Variants in EPN1 observed in about 807,000 individuals in gnomAD.
EPN1 encodes epsin-1.
Under a neutral mutation model 56.9 loss-of-function variants are expected in EPN1, and 25 were observed. The ratio of observed to expected loss-of-function variants is 0.44; its 90% CI spans 0.32 to 0.61. The LOEUF is 0.61. Among genes scored for constraint, EPN1 ranks in the 20% least tolerant of loss-of-function variants. EPN1 has a pLI of 0.05. For synonymous variants in EPN1, 411 were observed against 361.8 expected (o/e 1.14, Z -1.54); for missense variants, 785 against 823.7 (o/e 0.95, Z 0.58).
At chr19:55,677,240 G>A in intron 1 of EPN1, 3 of 1,338,356 alleles carry the variant, frequency 2.2e-6, no homozygotes, top group Non-Finnish European at 3.1e-6. Context: ...TGGGCAAGGG[G>A]CTGAACCTCT....
chr19:55,694,067 T>G lies in EPN1; in HGVS notation c.1265-659T>G, dbSNP rs1986751198. ...CTCCGTCTCTACTAAAAACACAAAA[T>G]TATTACCCAGGCATGGTGGCGCACG... On this transcript the variant is annotated intron_variant, in intron 9 of 10. Transcript: ENST00000270460. This position sits in a 1 kb window ranked among gnomAD's most constrained non-coding sequence, Gnocchi z 4.2. 1 of 151,548 alleles carries G rather than the reference T, an allele frequency of 6.6e-6. No individual in the cohort carries two copies. Among genetic ancestry groups the G allele is most frequent in the South Asian group, 2.1e-4 (1 of 4,802 alleles). 9.4% of individuals were successfully genotyped at this position (151,548 alleles called of 1,614,324 possible). A position where few individuals can be genotyped will look rare whatever the true frequency, so the allele number is the denominator to read the frequency against.
At chr19:55,693,190 C>T (rs1986693624) in intron 9 of EPN1, 153 bp downstream of exon 9, 1 of 586,284 alleles carries the variant, frequency 1.7e-6, no homozygotes, top group Non-Finnish European at 3.0e-6. Context: ...CAGAACCATC[C>T]ACCTGTCTTT....
intron 3 of EPN1, among the ~76,000 whole-genome samples, chr19:55,688,322 C>T (rs1394239833): frequency 6.6e-6 from 1 of 152,034 alleles, no homozygotes; most frequent in East Asian, 1.9e-4. Flanking sequence ...TTCCTGTGTC[C>T]TCTCTCTCCC....
At chr19:55,682,270 C>T (rs1163845996) in intron 2 of EPN1, among the ~76,000 whole-genome samples, 1 of 152,200 alleles carries the variant, frequency 6.6e-6, no homozygotes, top group Non-Finnish European at 1.5e-5. Context: ...CCTCAGGAGA[C>T]CTGTCTCCCA....
chr19:55,689,353 C>T lies in EPN1; in HGVS notation c.660C>T (p.Ser220=), dbSNP rs985237257. 17 of 1,551,732 alleles carry T rather than the reference C, an allele frequency of 1.1e-5. No homozygotes were observed. In the African/African-American group the frequency reaches 2.1e-4, roughly 19 times the overall value. ...DAQLQLALSL[S]REEHDKEERI... Reference sequence around the variant, plus strand: ...AGCTCCAGCTGGCCCTTAGTTTGAGCCGAGAAGAGCATGATAAGGTCAGAG... The same window carrying T: ...AGCTCCAGCTGGCCCTTAGTTTGAGTCGAGAAGAGCATGATAAGGTCAGAG... The change falls in exon 5 of 11, where the codon AGC becomes AGT. Residue 220 remains serine, a synonymous_variant. Coordinates refer to ENST00000270460, the MANE Select transcript of EPN1 (RefSeq NM_001130072.2). The surrounding 1 kb of genome is among the most constrained non-coding windows in gnomAD (Gnocchi z 5.7).
At chr19:55,676,971 C>T in intron 1 of EPN1, 1 of 628,662 alleles carries the variant, frequency 1.6e-6, no homozygotes, top group South Asian at 2.2e-5. Flanking sequence ...ATCATCTCTT[C>T]ATCTTAATGT....
rs2122233915 is a variant in EPN1 at position 55,699,419 on chromosome 19, G to A, written c.*4063G>A. On this transcript the variant is annotated 3_prime_UTR_variant, in exon 11 of 11. Transcript: ENST00000270460. ...GAACTTGTCTGTCTCTGTGATGACTGTGGGTTGTCCAGCTCATCCCTCAAG... is the reference window on the plus strand; with the variant it reads ...GAACTTGTCTGTCTCTGTGATGACTATGGGTTGTCCAGCTCATCCCTCAAG... The A allele has an allele frequency of 6.6e-6, 1 of 152,320 alleles. No individual in the cohort carries two copies. Among genetic ancestry groups the A allele is most frequent in the Middle Eastern group, 3.4e-3 (1 of 294 alleles). The allele number at this position is 152,320 out of a possible 1,614,324, so 9.4% of individuals were successfully genotyped here.
rs1281941960 is a variant in EPN1, at chr19:55,703,288, G to A, written c.*7932G>A. The A allele has an allele frequency of 2.0e-5, 3 of 152,164 alleles. No homozygotes were observed. Among genetic ancestry groups the A allele is most frequent in the African/African-American group, 7.3e-5 (3 of 41,338 alleles). 9.4% of individuals were successfully genotyped at this position (152,164 alleles called of 1,614,324 possible). ...CCAAGGAGATAGCTGCTGTGTGTGTGTGTGTTGTGTGTGGTTGGGACAGTC... is the reference window on the plus strand; with the variant it reads ...CCAAGGAGATAGCTGCTGTGTGTGTATGTGTTGTGTGTGGTTGGGACAGTC... On this transcript the variant is annotated 3_prime_UTR_variant, in exon 11 of 11. Coordinates refer to ENST00000270460, the MANE Select transcript of EPN1 (RefSeq NM_001130072.2).
At chr19:55,678,495 T>A (rs1985585237) in intron 1 of EPN1, 32 bp from the exon 2 acceptor site, 1 of 1,519,570 alleles carries the variant, frequency 6.6e-7, no homozygotes, top group African/African-American at 1.4e-5. Flanking sequence ...CATGTCCCAT[T>A]TGTGTTTCCA....
At position 55,694,864 on chromosome 19, in the gene EPN1, G is replaced by A. The variant is rs371928152; in HGVS notation, c.1403G>A (p.Arg468Gln). Residue 468 changes from arginine to glutamine, a missense_variant, in exon 10 of 11, where the codon CGG becomes CAG. Arg to Gln is a conservative substitution (Grantham distance 43). Coordinates refer to ENST00000270460, the MANE Select transcript of EPN1 (RefSeq NM_001130072.2). The surrounding 1 kb of genome is among the most constrained non-coding windows in gnomAD (Gnocchi z 4.2). ...ACACCAACTCCCACGCCCCCCACCC[G>A]GAAGACGCCGGAGTCATTCCTGGGG... Reference protein sequence around the residue: ...AATPTPTPPTRKTPESFLGPN... With the variant: ...AATPTPTPPTQKTPESFLGPN... The A allele has an allele frequency of 4.4e-6, 7 of 1,605,490 alleles. No homozygotes were observed. The highest frequency in any genetic ancestry group is 3.4e-5 in the Admixed American group (2 of 59,048).
intron 3 of EPN1, among the ~76,000 whole-genome samples, chr19:55,686,205 A>G (rs1287905856): frequency 6.6e-6 from 1 of 152,176 alleles, no homozygotes; most frequent in Non-Finnish European, 1.5e-5. Flanking sequence ...AGTGCATCCC[A>G]CATCGTCAAG....
In EPN1 at chr19:55,685,382, G is replaced by T. The variant is rs202062027; in HGVS notation, c.229-14G>T. The stretch of plus-strand genomic sequence containing the variant: ...CCCGGCGTGCTGACCGGGCATCCCC[G>T]TGCCCGCTCGCAGGCCATGACGCTG... On this transcript the variant is annotated splice_polypyrimidine_tract_variant and intron_variant, in intron 2 of 10. Coordinates refer to ENST00000270460, the MANE Select transcript of EPN1 (RefSeq NM_001130072.2). 5.1e-5 allele frequency: 82 copies of T among 1,606,508 alleles called. No homozygotes were observed. Among genetic ancestry groups the T allele is most frequent in the Non-Finnish European group, 6.2e-5 (73 of 1,177,064 alleles).
chr19:55,680,914 G>A (rs1195738182), intron 2 of EPN1: 1 of 152,448 alleles, frequency 6.6e-6, no homozygotes, highest in Non-Finnish European at 1.5e-5. Flanking sequence ...CCATCCCTTC[G>A]CCACATGGTC....
rs1265639942 is a variant in EPN1, at chr19:55,701,492, CT to C, written c.*6138del. On this transcript the variant is annotated 3_prime_UTR_variant, in exon 11 of 11. Transcript: ENST00000270460. ...GATACTGTTTCCTGTATTTTTTTCT[CT>C]TAGTATCTTAAGAAATACATGATTT... 1 of 150,630 alleles carries C rather than the reference CT, an allele frequency of 6.6e-6. No homozygotes were observed. Among genetic ancestry groups the C allele is most frequent in the Non-Finnish European group, 1.5e-5 (1 of 67,682 alleles). The allele number at this position is 150,630 out of a possible 1,614,324, so 9.3% of individuals were successfully genotyped here.
At position 55,707,698 on chromosome 19, in the gene EPN1, C is replaced by G. The variant is rs979426962; in HGVS notation, c.*12342C>G. Reference sequence around the variant, plus strand: ...ATTCTGTTCTTCCATAATATCTTTCCCATCTTGACTGAGCATCAAATGAGG... The same window carrying G: ...ATTCTGTTCTTCCATAATATCTTTCGCATCTTGACTGAGCATCAAATGAGG... On this transcript the variant is annotated 3_prime_UTR_variant, in exon 11 of 11. Transcript: ENST00000270460. 3 of 154,646 alleles carry G rather than the reference C, an allele frequency of 1.9e-5. No homozygotes were observed. Among genetic ancestry groups the G allele is most frequent in the African/African-American group, 7.2e-5 (3 of 41,538 alleles). 9.6% of individuals were successfully genotyped at this position (154,646 alleles called of 1,614,324 possible). A position where few individuals can be genotyped will look rare whatever the true frequency, so the allele number is the denominator to read the frequency against.
intron 3 of EPN1, among the ~76,000 whole-genome samples, chr19:55,688,256 T>A (rs1241456608): frequency 6.6e-6 from 1 of 151,960 alleles, no homozygotes; most frequent in Non-Finnish European, 1.5e-5. Context: ...GCTGAGAGGA[T>A]GCTGCAGTGG....
Position 55,689,485 on chromosome 19 carries a change from A to G in EPN1, c.678+114A>G. The G allele has an allele frequency of 1.3e-6, 1 of 779,914 alleles. No individual in the cohort carries two copies. 48.3% of individuals were successfully genotyped at this position (779,914 alleles called of 1,614,324 possible). A position where few individuals can be genotyped will look rare whatever the true frequency, so the allele number is the denominator to read the frequency against. On this transcript the variant is annotated intron_variant, in intron 5 of 10. Transcript: ENST00000270460. The surrounding 1 kb of genome is among the most constrained non-coding windows in gnomAD (Gnocchi z 5.7). Reference sequence around the variant, plus strand: ...TGCTGGGCCCGAAGCCCACAGGCTCACGCGTGTTGAAACCTCAGTACCTTC... The same window carrying G: ...TGCTGGGCCCGAAGCCCACAGGCTCGCGCGTGTTGAAACCTCAGTACCTTC...
rs759521988 is a variant in EPN1, at chr19:55,707,769, GTTC to G, written c.*12419_*12421del. On this transcript the variant is annotated 3_prime_UTR_variant, in exon 11 of 11. Coordinates refer to ENST00000270460, the MANE Select transcript of EPN1 (RefSeq NM_001130072.2). ...CCACATGGCCGTGGCAAACTCCTTG[GTTC>G]TTCTTTCCACTGGAATCCCCCACAC... 2.6e-5 allele frequency: 4 copies of G among 154,490 alleles called. No individual in the cohort carries two copies. Among genetic ancestry groups the G allele is most frequent in the East Asian group, 1.9e-4 (1 of 5,196 alleles). 9.6% of individuals were successfully genotyped at this position (154,490 alleles called of 1,614,324 possible).
rs1987425602 is a variant in EPN1 at position 55,706,518 on chromosome 19, G to A, written c.*11162G>A. 6.6e-6 allele frequency: 1 copy of A among 151,910 alleles called. No individual in the cohort carries two copies. Among genetic ancestry groups the A allele is most frequent in the Non-Finnish European group, 1.5e-5 (1 of 68,094 alleles). 9.4% of individuals were successfully genotyped at this position (151,910 alleles called of 1,614,324 possible). Reference sequence around the variant, plus strand: ...AATACAAAAATTAGCCGGGCATGATGGCAGATGCCTGTAATCTCAGCTCCT... The same window carrying A: ...AATACAAAAATTAGCCGGGCATGATAGCAGATGCCTGTAATCTCAGCTCCT... On this transcript the variant is annotated 3_prime_UTR_variant, in exon 11 of 11. Coordinates refer to ENST00000270460, the MANE Select transcript of EPN1 (RefSeq NM_001130072.2).
Sources: gnomAD v4.1 joint callset for allele counts (sites outside exome capture counted in the v4.1 genomes callset) on GRCh38, gnomAD v4.1.1 for gene constraint, Gnocchi (gnomAD v3.1) non-coding constraint, MANE v1.5 for transcripts, NCBI Gene and HGNC (gene_info 2026-07-23, HGNC 2026-07-21) for gene names.